Variants in OTULIN observed in about 807,000 individuals in gnomAD.
The protein encoded by OTULIN is ubiquitin thioesterase otulin.
Under a neutral mutation model 39.6 loss-of-function variants are expected in OTULIN, and 15 were observed. The observed-to-expected ratio is 0.38, with a 90% CI of 0.25 to 0.58. The LOEUF (loss-of-function observed/expected upper bound fraction) is 0.58. OTULIN is among the 20% of genes least tolerant of loss of function. OTULIN has a pLI of 0.66. For missense variants in OTULIN, 319 were observed against 445.9 expected (o/e 0.72, Z 2.56); for synonymous variants, 156 against 170.3 (o/e 0.92, Z 0.65).
chr5:14,712,484 G>A, the OTULIN span, among the ~76,000 whole-genome samples: 1 of 152,240 alleles, frequency 6.6e-6, no homozygotes, highest in East Asian at 1.9e-4. Flanking sequence ...GTCTTGGACT[G>A]CCCAGTCCTT....
chr5:14,676,086 C>T (rs1736096347), intron 2 of OTULIN, among the ~76,000 whole-genome samples: 2 of 151,518 alleles, frequency 1.3e-5, no homozygotes, highest in Non-Finnish European at 2.9e-5. Flanking sequence ...CCTATTCCAC[C>T]CTGTTTGAGA....
At chr5:14,679,448 A>G (rs916988188) in intron 3 of OTULIN, among the ~76,000 whole-genome samples, 1 of 152,232 alleles carries the variant, frequency 6.6e-6, no homozygotes, top group Non-Finnish European at 1.5e-5. Context: ...AATTGCTCAA[A>G]AACAGTCAAA....
chr5:14,667,202 G>A (rs1735871686), intron 1 of OTULIN, among the ~76,000 whole-genome samples: 1 of 152,200 alleles, frequency 6.6e-6, no homozygotes, highest in Non-Finnish European at 1.5e-5. Flanking sequence ...TTCTGCAGCT[G>A]AATTAGACAT....
At chr5:14,679,612 C>G (rs1410316233) in intron 3 of OTULIN, among the ~76,000 whole-genome samples, 1 of 152,082 alleles carries the variant, frequency 6.6e-6, no homozygotes, top group East Asian at 1.9e-4. Context: ...ATATCTTTAA[C>G]TTTTTTTGGT....
Position 14,698,987 on chromosome 5 carries a change from C to T in OTULIN, c.*5939C>T, listed in dbSNP as rs1736742590. On this transcript the variant is annotated 3_prime_UTR_variant, in exon 7 of 7. Transcript: ENST00000284274. ...AATCTGTTTCTTCATCTTTACCACACACAGTCTGTCTCAGTGGTGGTGTGG... is the reference window on the plus strand; with the variant it reads ...AATCTGTTTCTTCATCTTTACCACATACAGTCTGTCTCAGTGGTGGTGTGG... 1 of 152,202 alleles carries T rather than the reference C, an allele frequency of 6.6e-6. No individual in the cohort carries two copies. 9.4% of individuals were successfully genotyped at this position (152,202 alleles called of 1,614,324 possible). A position where few individuals can be genotyped will look rare whatever the true frequency, so the allele number is the denominator to read the frequency against.
chr5:14,673,761 T>C (rs2126816844), intron 2 of OTULIN, 43 bp downstream of exon 2: 2 of 1,533,710 alleles, frequency 1.3e-6, no homozygotes, highest in Non-Finnish European at 1.8e-6. Context: ...TTATTGTTTA[T>C]AGCAGAAAAT....
the OTULIN span, among the ~76,000 whole-genome samples, chr5:14,713,336 C>T: frequency 2.6e-5 from 4 of 152,198 alleles, no homozygotes; most frequent in African/African-American, 7.2e-5. This position sits in a 1 kb window ranked among gnomAD's most constrained non-coding sequence, Gnocchi z 4.4. Flanking sequence ...GGCTATTATT[C>T]GTGTCTGGGC....
downstream of OTULIN, among the ~76,000 whole-genome samples, chr5:14,702,709 T>C (rs1390113989): frequency 6.6e-6 from 1 of 152,178 alleles, no homozygotes; most frequent in African/African-American, 2.4e-5. Flanking sequence ...AGCCATTTCC[T>C]TTAGACCAAG....
At position 14,664,969 on chromosome 5, in the gene OTULIN, G is replaced by A. The variant is rs1735793247; in HGVS notation, c.144G>A (p.Pro48=). ...SGQPRPEMQC[P]AEHEEDMYRA... is the part of the protein sequence containing the mutation. ...AGCCGCGGCCCGAGATGCAGTGCCC[G>A]GCCGAGCAGTGAGTCCGCGGGGGCG... Residue 48 remains proline (P), a synonymous_variant, in exon 1 of 7, where the codon CCG becomes CCA. Transcript: ENST00000284274. 1.8e-6 allele frequency: 2 copies of A among 1,087,458 alleles called. No individual in the cohort carries two copies. The highest frequency in any genetic ancestry group is 2.2e-6 in the Non-Finnish European group (2 of 896,650). The allele number at this position is 1,087,458 out of a possible 1,614,324, so 67.4% of individuals were successfully genotyped here. A position where few individuals can be genotyped will look rare whatever the true frequency, so the allele number is the denominator to read the frequency against.
chr5:14,704,483 C>T (rs1453702232), downstream of OTULIN, among the ~76,000 whole-genome samples: 1 of 152,062 alleles, frequency 6.6e-6, no homozygotes, highest in Non-Finnish European at 1.5e-5. Flanking sequence ...TTGGCATTCC[C>T]ATTTGAGAAG....
chr5:14,695,816 T>C lies in OTULIN; in HGVS notation c.*2768T>C, dbSNP rs1267803286. 5.9e-5 allele frequency: 9 copies of C among 152,206 alleles called. No homozygotes were observed. The highest frequency in any genetic ancestry group is 5.9e-4 in the Admixed American group (9 of 15,288). The allele number at this position is 152,206 out of a possible 1,614,324, so 9.4% of individuals were successfully genotyped here. A position where few individuals can be genotyped will look rare whatever the true frequency, so the allele number is the denominator to read the frequency against. ...ATTCGGGCCTGGATTTGATTGAAAG[T>C]GTTTGCAGTTCCTCTTCCGTAGAAT... On this transcript the variant is annotated 3_prime_UTR_variant, in exon 7 of 7. Coordinates refer to ENST00000284274, the MANE Select transcript of OTULIN (RefSeq NM_138348.6).
At chr5:14,670,476 T>TG (rs1735952219) in intron 1 of OTULIN, among the ~76,000 whole-genome samples, 1 of 152,244 alleles carries the variant, frequency 6.6e-6, no homozygotes, top group Non-Finnish European at 1.5e-5. Flanking sequence ...TCTTTCTGTT[T>TG]GCTTATCTTT....
chr5:14,679,746 C>T (rs1336887282), intron 3 of OTULIN, among the ~76,000 whole-genome samples: 1 of 152,202 alleles, frequency 6.6e-6, no homozygotes, highest in Admixed American at 6.5e-5. Context: ...TTAGAAAAAT[C>T]TAGCTGCCAC....
the OTULIN span, chr5:14,708,378 T>C: frequency 6.6e-6 from 1 of 152,228 alleles, no homozygotes; most frequent in Non-Finnish European, 1.5e-5. Flanking sequence ...CCCTGGTCTT[T>C]GACATGAGAA....
intron 1 of OTULIN, among the ~76,000 whole-genome samples, chr5:14,670,601 A>C (rs1735955591): frequency 1.3e-5 from 2 of 152,048 alleles, no homozygotes; most frequent in African/African-American, 4.8e-5. Flanking sequence ...TTTTTTAAAA[A>C]TTAATTAACT....
chr5:14,704,120 A>G (rs182272694), downstream of OTULIN, among the ~76,000 whole-genome samples: 285 of 152,184 alleles, frequency 1.9e-3, 2 homozygotes, highest in African/African-American at 6.6e-3. Flanking sequence ...TCACAAGGTC[A>G]GGAGATCAAG....
At chr5:14,700,152 T>TGTA (rs1411381314), downstream of OTULIN, among the ~76,000 whole-genome samples, 1 of 152,226 alleles carries the variant, frequency 6.6e-6, no homozygotes, top group African/African-American at 2.4e-5. Flanking sequence ...TCATGTCTTC[T>TGTA]GTAACCACTT....
At chr5:14,691,761 A>G (rs1441538242) in intron 6 of OTULIN, among the ~76,000 whole-genome samples, 3 of 152,228 alleles carry the variant, frequency 2.0e-5, no homozygotes, top group Admixed American at 6.5e-5. Context: ...TCTTCTTTCT[A>G]ACCCTAGGCA....
the OTULIN span, chr5:14,709,771 A>G: frequency 3.3e-5 from 5 of 152,664 alleles, no homozygotes; most frequent in African/African-American, 4.8e-5. Context: ...CATTGATACA[A>G]TACGTTTCAA....
Sources: gnomAD v4.1 joint callset for allele counts (sites outside exome capture counted in the v4.1 genomes callset) on GRCh38, gnomAD v4.1.1 for gene constraint, Gnocchi (gnomAD v3.1) non-coding constraint, MANE v1.5 for transcripts, NCBI Gene and HGNC (gene_info 2026-07-23, HGNC 2026-07-21) for gene names.